The following PRKG1 variants were observed in gnomAD, a reference collection of about 807,000 sequenced individuals.
The protein encoded by PRKG1 is cGMP-dependent protein kinase 1.
In PRKG1, 35 loss-of-function variants were observed where a neutral mutation model predicts 88.1. The observed-to-expected ratio is 0.40, with a 90% CI of 0.30 to 0.53. The LOEUF is 0.53. PRKG1 is among the 20% of genes least tolerant of loss of function. The pLI is 0.59. For missense variants in PRKG1, 540 were observed against 839.8 expected (o/e 0.64, Z 4.41); for synonymous variants, 303 against 292.5 (o/e 1.04, Z -0.37).
intron 3 of PRKG1, among the ~76,000 whole-genome samples, chr10:51,776,144 C>A (rs2132554014): frequency 6.6e-6 from 1 of 152,138 alleles, no homozygotes; most frequent in African/African-American, 2.4e-5. Context: ...TTTATCTACC[C>A]AAAGACCCCT....
chr10:51,770,448 C>G (rs1838275447), intron 3 of PRKG1, among the ~76,000 whole-genome samples: 1 of 152,178 alleles, frequency 6.6e-6, no homozygotes, highest in African/African-American at 2.4e-5. Flanking sequence ...GCACTAGGTT[C>G]TCAACATTTT....
chr10:51,554,347 A>G (rs1318851800), intron 3 of PRKG1, among the ~76,000 whole-genome samples: 1 of 146,858 alleles, frequency 6.8e-6, no homozygotes, highest in Non-Finnish European at 1.5e-5. Context: ...TTATATACAC[A>G]TATATAATAT....
At chr10:52,054,656 G>A in intron 6 of PRKG1, 95 bp downstream of exon 6, 2 of 1,034,562 alleles carry the variant, frequency 1.9e-6, no homozygotes, top group Non-Finnish European at 2.9e-6. Context: ...TGTGCTATAT[G>A]AGTTTGTTCC....
chr10:51,634,372 T>C (rs994075253), intron 3 of PRKG1, among the ~76,000 whole-genome samples: 9 of 152,090 alleles, frequency 5.9e-5, no homozygotes, highest in Admixed American at 6.6e-5. Context: ...TGAGAACATA[T>C]AATTAGGGCC....
chr10:51,641,282 C>A (rs907774588), intron 3 of PRKG1, among the ~76,000 whole-genome samples: 3 of 152,098 alleles, frequency 2.0e-5, no homozygotes, highest in African/African-American at 7.2e-5. Flanking sequence ...CCACCACCAC[C>A]ACATTAATTG....
intron 1 of PRKG1, among the ~76,000 whole-genome samples, chr10:51,055,873 T>G (rs1843621033): frequency 6.6e-6 from 1 of 152,178 alleles, no homozygotes; most frequent in African/African-American, 2.4e-5. Context: ...CCACCATTAT[T>G]CTAAGCCCCT....
intron 5 of PRKG1, among the ~76,000 whole-genome samples, chr10:51,953,784 G>C (rs1455705641): frequency 6.6e-6 from 1 of 151,894 alleles, no homozygotes; most frequent in African/African-American, 2.4e-5. Context: ...CTTCTCAGTT[G>C]TTTGGCCATT....
rs1217146849 is a variant in PRKG1 at position 52,258,346 on chromosome 10, T to TAAATATTATTTCTTTAATCCAAG, written c.1173+6699_1173+6721dup. 8.6e-5 allele frequency among the ~76,000 whole-genome samples: 12 copies of TAAATATTATTTCTTTAATCCAAG among 139,540 alleles called. 3 individuals are homozygous for TAAATATTATTTCTTTAATCCAAG. The highest frequency in any genetic ancestry group is 4.6e-4 in the South Asian group (2 of 4,382). 91.5% of individuals were successfully genotyped at this position (139,540 alleles called of 152,430 possible). A position where few individuals can be genotyped will look rare whatever the true frequency, so the allele number is the denominator to read the frequency against. ...CTTGCCTTTTTTGTTTTCTATGACA[T>TAAATATTATTTCTTTAATCCAAG]AAATATTATTTCTTTAATCCAAGAA... On this transcript the variant is annotated intron_variant, in intron 10 of 17. Coordinates refer to ENST00000373980, the MANE Select transcript of PRKG1 (RefSeq NM_006258.4).
chr10:51,435,413 G>T (rs1263215096), intron 2 of PRKG1, among the ~76,000 whole-genome samples: 1 of 119,714 alleles, frequency 8.4e-6, no homozygotes, highest in Admixed American at 8.4e-5. Flanking sequence ...GGACACCAAG[G>T]GACATTACTG....
intron 3 of PRKG1, among the ~76,000 whole-genome samples, chr10:51,764,346 C>A (rs527729714): frequency 2.0e-5 from 3 of 152,078 alleles, no homozygotes; most frequent in Non-Finnish European, 4.4e-5. Context: ...AAGTGAGATC[C>A]TCATGCCCTG....
At chr10:51,783,229 G>A (rs960336542) in intron 3 of PRKG1, among the ~76,000 whole-genome samples, 33 of 152,078 alleles carry the variant, frequency 2.2e-4, no homozygotes, top group African/African-American at 7.5e-4. Flanking sequence ...GCTTTGGCAT[G>A]AAATTATATA....
chr10:51,399,620 C>G (rs1837678446), intron 2 of PRKG1, among the ~76,000 whole-genome samples: 1 of 152,154 alleles, frequency 6.6e-6, no homozygotes, highest in African/African-American at 2.4e-5. Context: ...AAAACCAAAG[C>G]CACATTCTCA....
chr10:51,294,126 A>T (rs766740399), intron 2 of PRKG1, among the ~76,000 whole-genome samples: 2 of 152,054 alleles, frequency 1.3e-5, no homozygotes, highest in African/African-American at 2.4e-5. Context: ...TTAATTCCTT[A>T]TCAGGTATAT....
At chr10:51,393,774 A>G (rs1022333409) in intron 2 of PRKG1, among the ~76,000 whole-genome samples, 5 of 152,232 alleles carry the variant, frequency 3.3e-5, no homozygotes, top group African/African-American at 1.2e-4. Flanking sequence ...GACATTAGTC[A>G]TATGACTTTT....
chr10:51,144,885 G>A (rs181677646), intron 1 of PRKG1, among the ~76,000 whole-genome samples: 1 of 152,078 alleles, frequency 6.6e-6, no homozygotes, highest in Non-Finnish European at 1.5e-5. Flanking sequence ...AAGAGAAAGT[G>A]TACACTTTGG....
intron 5 of PRKG1, among the ~76,000 whole-genome samples, chr10:51,984,287 T>A (rs1359009458): frequency 1.3e-5 from 2 of 152,198 alleles, no homozygotes; most frequent in African/African-American, 2.4e-5. Context: ...CAAAACTAAT[T>A]TTAAAGATTG....
chr10:52,293,223 C>T (rs2132468255), intron 17 of PRKG1, among the ~76,000 whole-genome samples: 1 of 151,666 alleles, frequency 6.6e-6, no homozygotes, highest in East Asian at 1.9e-4. Context: ...AGGACCTCTT[C>T]AAGGAGAACT....
chr10:51,425,097 G>A (rs1464494216), intron 2 of PRKG1, among the ~76,000 whole-genome samples: 8 of 151,876 alleles, frequency 5.3e-5, no homozygotes, highest in Admixed American at 3.3e-4. Flanking sequence ...GTTAGATGCT[G>A]TATTTCTTGA....
At chr10:52,111,923 C>T (rs572448494) in intron 7 of PRKG1, among the ~76,000 whole-genome samples, 1 of 152,264 alleles carries the variant, frequency 6.6e-6, no homozygotes, top group African/African-American at 2.4e-5. Context: ...CTTCTTAAAG[C>T]TTATGATAGT....
Sources: gnomAD v4.1 joint callset for allele counts (sites outside exome capture counted in the v4.1 genomes callset) on GRCh38, gnomAD v4.1.1 for gene constraint, MANE v1.5 for transcripts, NCBI Gene and HGNC (gene_info 2026-07-23, HGNC 2026-07-21) for gene names.